The following AGPAT4 variants were observed in gnomAD, a reference collection of about 807,000 sequenced individuals.
The protein encoded by AGPAT4 is 1-acylglycerol-3-phosphate O-acyltransferase 4.
AGPAT4 carries 15 observed loss-of-function variants against 48.0 expected under a neutral mutation model. The ratio of observed to expected loss-of-function variants is 0.31; its 90% CI spans 0.21 to 0.48. The LOEUF (loss-of-function observed/expected upper bound fraction) is 0.48. Among genes scored for constraint, AGPAT4 ranks in the 20% least tolerant of loss-of-function variants. The pLI is 0.99. For synonymous variants in AGPAT4, 178 were observed against 198.7 expected (o/e 0.90, Z 0.88); for missense variants, 314 against 482.5 (o/e 0.65, Z 3.27).
In AGPAT4 at chr6:161,254,437, C is replaced by T. The variant is rs1353152510; in HGVS notation, c.-90+19501G>A. On this transcript the variant is annotated intron_variant, in intron 1 of 8. Transcript: ENST00000320285. The surrounding 1 kb of genome is among the most constrained non-coding windows in gnomAD (Gnocchi z 5.9). The stretch of plus-strand genomic sequence containing the variant: ...AAAGTAAGATGAACAATTAGAAATA[C>T]TAAAACATATTAAGTGATTCATATA... 6.6e-6 allele frequency among the ~76,000 whole-genome samples: 1 copy of T among 152,220 alleles called. No individual in the cohort carries two copies. The highest frequency in any genetic ancestry group is 1.5e-5 in the Non-Finnish European group (1 of 68,042).
At chr6:161,273,774 T>G in intron 1 of AGPAT4, among the ~76,000 whole-genome samples, 164 bp downstream of exon 1, 1 of 139,670 alleles carries the variant, frequency 7.2e-6, no homozygotes. Context: ...CCCTGCACCT[T>G]TCCCCCGCCC....
In AGPAT4 at chr6:161,240,792, T is replaced by C. The variant is rs1350769701; in HGVS notation, c.-89-8490A>G. Reference sequence around the variant, plus strand: ...GTCTCCACCAGGGCGGCAACTAACTTGTACAGGTCTGAGGAACGTGCTCTG... The same window carrying C: ...GTCTCCACCAGGGCGGCAACTAACTCGTACAGGTCTGAGGAACGTGCTCTG... On this transcript the variant is annotated intron_variant, in intron 1 of 8. Coordinates refer to ENST00000320285, the MANE Select transcript of AGPAT4 (RefSeq NM_020133.3). This position sits in a 1 kb window ranked among gnomAD's most constrained non-coding sequence, Gnocchi z 5.5. 1.3e-5 allele frequency among the ~76,000 whole-genome samples: 2 copies of C among 152,130 alleles called. No homozygotes were observed. Among genetic ancestry groups the C allele is most frequent in the Non-Finnish European group, 2.9e-5 (2 of 68,024 alleles).
chr6:161,139,592 G>T lies in AGPAT4; in HGVS notation c.872C>A (p.Thr291Lys). The T allele has an allele frequency of 6.2e-7, 1 of 1,612,700 alleles. No individual in the cohort carries two copies. The highest frequency in any genetic ancestry group is 8.5e-7 in the Non-Finnish European group (1 of 1,179,072). ...KDAFQEEYYR[T>K]GTFPETPMVP... ...CATGGGCGTCTCTGGGAAGGTGCCCGTCCTGTAGTACTCCTCCTGAAAGGC... is the reference window on the plus strand; with the variant it reads ...CATGGGCGTCTCTGGGAAGGTGCCCTTCCTGTAGTACTCCTCCTGAAAGGC... The change falls in exon 8 of 9, where the codon ACG (threonine) becomes AAG (lysine). Residue 291 changes from threonine to lysine, a missense_variant. Physicochemically the swap from Thr to Lys is moderately conservative, Grantham distance 78. Coordinates refer to ENST00000320285, the MANE Select transcript of AGPAT4 (RefSeq NM_020133.3). This position sits in a 1 kb window ranked among gnomAD's most constrained non-coding sequence, Gnocchi z 9.1.
rs1459483799 is a variant in AGPAT4, at chr6:161,148,020, T to G, written c.767+1167A>C. Among the ~76,000 whole-genome samples, 3 of 152,244 alleles carry G rather than the reference T, an allele frequency of 2.0e-5. No individual in the cohort carries two copies. Among genetic ancestry groups the G allele is most frequent in the African/African-American group, 4.8e-5 (2 of 41,460 alleles). ...CCATTTTTGGGCTGATTGTCACACATGCTTTGGAGAGTTGCAGCTACCTGA... is the reference window on the plus strand; with the variant it reads ...CCATTTTTGGGCTGATTGTCACACAGGCTTTGGAGAGTTGCAGCTACCTGA... On this transcript the variant is annotated intron_variant, in intron 6 of 8. Transcript: ENST00000320285. The surrounding 1 kb of genome is among the most constrained non-coding windows in gnomAD (Gnocchi z 5.5).
intron 2 of AGPAT4, among the ~76,000 whole-genome samples, chr6:161,183,211 C>T (rs561257029): frequency 6.6e-6 from 1 of 152,152 alleles, no homozygotes; most frequent in Non-Finnish European, 1.5e-5. Flanking sequence ...CCACCACGTG[C>T]TGATGTGGAG....
rs1781782120 is a variant in AGPAT4 at position 161,219,920 on chromosome 6, A to AGGCAGGCAGGCAGGC, written c.178+12101_178+12115dup. 1.6e-5 allele frequency among the ~76,000 whole-genome samples: 2 copies of AGGCAGGCAGGCAGGC among 122,464 alleles called. No individual in the cohort carries two copies. The highest frequency in any genetic ancestry group is 6.9e-5 in the African/African-American group (2 of 28,938). 80.3% of individuals were successfully genotyped at this position (122,464 alleles called of 152,430 possible). On this transcript the variant is annotated intron_variant, in intron 2 of 8. Coordinates refer to ENST00000320285, the MANE Select transcript of AGPAT4 (RefSeq NM_020133.3). This position sits in a 1 kb window ranked among gnomAD's most constrained non-coding sequence, Gnocchi z 4.9. ...GCAGGCAGGCAGGCAGGCAGGCGGCAGGCAGGCAGGCAGGCAGGCAGGCAG... is the reference window on the plus strand; with the variant it reads ...GCAGGCAGGCAGGCAGGCAGGCGGCAGGCAGGCAGGCAGGCGGCAGGCAGGCAGGCAGGCAGGCAG...
At chr6:161,151,179 G>A (rs904633359) in intron 5 of AGPAT4, among the ~76,000 whole-genome samples, 3 of 152,248 alleles carry the variant, frequency 2.0e-5, no homozygotes, top group Non-Finnish European at 4.4e-5. Flanking sequence ...AGCTCGCCAT[G>A]TACTGGCTGA....
rs1314660744 is a variant in AGPAT4, at chr6:161,235,896, G to A, written c.-89-3594C>T. Among the ~76,000 whole-genome samples the A allele has an allele frequency of 1.3e-5, 2 of 152,154 alleles. No homozygotes were observed. The highest frequency in any genetic ancestry group is 4.8e-5 in the African/African-American group (2 of 41,438). On this transcript the variant is annotated intron_variant, in intron 1 of 8. Coordinates refer to ENST00000320285, the MANE Select transcript of AGPAT4 (RefSeq NM_020133.3). This position sits in a 1 kb window ranked among gnomAD's most constrained non-coding sequence, Gnocchi z 6.2. ...GTGCTGGGGATTACAAATTCAACGT[G>A]AGACTTGGGCAGGGACACAGATACA...
Position 161,240,429 on chromosome 6 carries a change from C to T in AGPAT4, c.-89-8127G>A, listed in dbSNP as rs926358330. ...AAGCTTTTTCCTCTATGCCACTGCA[C>T]TCTTCCTGAACAGTGATTAAGCGAT... On this transcript the variant is annotated intron_variant, in intron 1 of 8. Coordinates refer to ENST00000320285, the MANE Select transcript of AGPAT4 (RefSeq NM_020133.3). The surrounding 1 kb of genome is among the most constrained non-coding windows in gnomAD (Gnocchi z 5.5). 5.3e-5 allele frequency among the ~76,000 whole-genome samples: 8 copies of T among 152,196 alleles called. No individual in the cohort carries two copies. The highest frequency in any genetic ancestry group is 7.3e-5 in the Non-Finnish European group (5 of 68,042).
At chr6:161,190,601 A>T (rs1334851555) in intron 2 of AGPAT4, among the ~76,000 whole-genome samples, 1 of 152,096 alleles carries the variant, frequency 6.6e-6, no homozygotes, top group East Asian at 1.9e-4. Context: ...AAAAAAAAAA[A>T]AAAGATCCTT....
At position 161,229,637 on chromosome 6, in the gene AGPAT4, T is replaced by TA. The variant is rs1204213915; in HGVS notation, c.178+2398dup. Among the ~76,000 whole-genome samples the TA allele has an allele frequency of 5.3e-5, 8 of 152,168 alleles. No individual in the cohort carries two copies. Among genetic ancestry groups the TA allele is most frequent in the African/African-American group, 1.9e-4 (8 of 41,432 alleles). On this transcript the variant is annotated intron_variant, in intron 2 of 8. Transcript: ENST00000320285. The surrounding 1 kb of genome is among the most constrained non-coding windows in gnomAD (Gnocchi z 6.0). ...GCGAGGATTCTCTCAAACCTGGGGA[T>TA]AGTTTGCACTGGCTTATCACCATGA...
In AGPAT4 at chr6:161,132,335, AG is replaced by A. The variant is rs761559599; in HGVS notation, c.*4204del. Reference sequence around the variant, plus strand: ...ATATAGATGGGGAAAAATCCAGAAAAGGGGGATTTTCAGCAGCTGGCTTGAA... The same window carrying A: ...ATATAGATGGGGAAAAATCCAGAAAAGGGGATTTTCAGCAGCTGGCTTGAA... On this transcript the variant is annotated 3_prime_UTR_variant, in exon 9 of 9. Coordinates refer to ENST00000320285, the MANE Select transcript of AGPAT4 (RefSeq NM_020133.3). 6.6e-6 allele frequency: 1 copy of A among 152,254 alleles called. No individual in the cohort carries two copies. Among genetic ancestry groups the A allele is most frequent in the South Asian group, 2.1e-4 (1 of 4,828 alleles). 9.4% of individuals were successfully genotyped at this position (152,254 alleles called of 1,614,324 possible).
chr6:161,174,449 T>C (rs930941551), intron 2 of AGPAT4, among the ~76,000 whole-genome samples: 3 of 152,164 alleles, frequency 2.0e-5, no homozygotes, highest in African/African-American at 7.2e-5. Flanking sequence ...TCTCTGTTTG[T>C]CTGTTATTGG....
Position 161,144,238 on chromosome 6 carries a change from T to C in AGPAT4, c.843+2286A>G, listed in dbSNP as rs1274922476. Reference sequence around the variant, plus strand: ...CCCAGGCCTGCTCACAGACACATACTGCTTAGAGAACTCGGTGTCGCCCCA... The same window carrying C: ...CCCAGGCCTGCTCACAGACACATACCGCTTAGAGAACTCGGTGTCGCCCCA... On this transcript the variant is annotated intron_variant, in intron 7 of 8. Coordinates refer to ENST00000320285, the MANE Select transcript of AGPAT4 (RefSeq NM_020133.3). This position sits in a 1 kb window ranked among gnomAD's most constrained non-coding sequence, Gnocchi z 6.6. 5.7e-6 allele frequency: 3 copies of C among 526,490 alleles called. No homozygotes were observed. Among genetic ancestry groups the C allele is most frequent in the African/African-American group, 3.9e-5 (2 of 51,752 alleles). The allele number at this position is 526,490 out of a possible 1,614,324, so 32.6% of individuals were successfully genotyped here.
At position 161,215,577 on chromosome 6, in the gene AGPAT4, C is replaced by T. The variant is rs1056966233; in HGVS notation, c.178+16459G>A. Among the ~76,000 whole-genome samples, 12 of 152,114 alleles carry T rather than the reference C, an allele frequency of 7.9e-5. No homozygotes were observed. Among genetic ancestry groups the T allele is most frequent in the African/African-American group, 2.9e-4 (12 of 41,414 alleles). ...ACCCATATTTTAAATGTATAACAAG[C>T]TCTTTTTGAACCTAAAACATTCTAG... On this transcript the variant is annotated intron_variant, in intron 2 of 8. Coordinates refer to ENST00000320285, the MANE Select transcript of AGPAT4 (RefSeq NM_020133.3). This position sits in a 1 kb window ranked among gnomAD's most constrained non-coding sequence, Gnocchi z 4.5.
rs773810545 is a variant in AGPAT4, at chr6:161,130,682, C to A, written c.*5858G>T. 5 of 314,132 alleles carry A rather than the reference C, an allele frequency of 1.6e-5. No individual in the cohort carries two copies. The highest frequency in any genetic ancestry group is 3.3e-5 in the Non-Finnish European group (5 of 153,206). The allele number at this position is 314,132 out of a possible 1,614,324, so 19.5% of individuals were successfully genotyped here. On this transcript the variant is annotated 3_prime_UTR_variant, in exon 9 of 9. Transcript: ENST00000320285. ...TCCATCTCCCGTGAACATCTGTTGA[C>A]TGTGGGCGGCCTGGGCCAGCCTTGC...
Position 161,198,609 on chromosome 6 carries a change from C to T in AGPAT4, c.179-32192G>A, listed in dbSNP as rs1467635120. ...AGGCTGGGTTACATCCTGGCCCCAC[C>T]ATCTACTACTTGTGAGACTTTGGAC... On this transcript the variant is annotated intron_variant, in intron 2 of 8. Transcript: ENST00000320285. The surrounding 1 kb of genome is among the most constrained non-coding windows in gnomAD (Gnocchi z 4.3). 6.6e-6 allele frequency among the ~76,000 whole-genome samples: 1 copy of T among 152,210 alleles called. No homozygotes were observed. Among genetic ancestry groups the T allele is most frequent in the Non-Finnish European group, 1.5e-5 (1 of 68,038 alleles).
In AGPAT4 at chr6:161,204,866, T is replaced by C. The variant is rs1781338298; in HGVS notation, c.178+27170A>G. Among the ~76,000 whole-genome samples the C allele has an allele frequency of 6.6e-6, 1 of 152,186 alleles. No homozygotes were observed. Among genetic ancestry groups the C allele is most frequent in the South Asian group, 2.1e-4 (1 of 4,826 alleles). ...TTTGTAATGATTATAGAGTCAGCTA[T>C]AAGAAGAATTTCAATTGTGGTTAAG... On this transcript the variant is annotated intron_variant, in intron 2 of 8. Transcript: ENST00000320285. The surrounding 1 kb of genome is among the most constrained non-coding windows in gnomAD (Gnocchi z 4.4).
At chr6:161,237,976 C>A (rs899046616) in intron 1 of AGPAT4, among the ~76,000 whole-genome samples, 28 of 150,658 alleles carry the variant, frequency 1.9e-4, no homozygotes, top group Non-Finnish European at 2.7e-4. Flanking sequence ...AGGTGATCAA[C>A]CAAAGCACCA....
Sources: allele counts gnomAD v4.1 joint callset (sites outside exome capture counted in the v4.1 genomes callset), GRCh38; gene constraint gnomAD v4.1.1; non-coding constraint Gnocchi (gnomAD v3.1); transcripts MANE v1.5; gene names NCBI Gene and HGNC (gene_info 2026-07-23, HGNC 2026-07-21).